The following PCDHA7 variants were observed in gnomAD, a reference collection of about 807,000 sequenced individuals.
PCDHA7 encodes the protein protocadherin alpha-7.
Under a neutral mutation model 57.2 loss-of-function variants are expected in PCDHA7, and 37 were observed. That is an observed-to-expected ratio of 0.65 (90% CI 0.50 to 0.85). The LOEUF is 0.85. Among genes scored for constraint, PCDHA7 ranks in the 40% least tolerant of loss-of-function variants. PCDHA7 has a pLI of 0.00. For synonymous variants in PCDHA7, 553 were observed against 558.8 expected, an observed-to-expected ratio of 0.99 and a Z score of 0.15; for missense variants, 1,188 against 1,241.8, an observed-to-expected ratio of 0.96 and a Z score of 0.65.
chr5:140,875,248 G>A, intron 1 of PCDHA7: 5 of 999,174 alleles, frequency 5.0e-6, no homozygotes, highest in Non-Finnish European at 6.9e-6. Flanking sequence ...TACATAATCA[G>A]TCACATGATG....
intron 1 of PCDHA7, chr5:140,926,824 A>T: frequency 1.3e-6 from 2 of 1,496,944 alleles, no homozygotes; most frequent in Non-Finnish European, 1.8e-6. Context: ...GCTCTCCAGG[A>T]GTCCGGAGCA....
At chr5:140,842,747 A>G (rs2150343510) in intron 1 of PCDHA7, 1 of 1,594,914 alleles carries the variant, frequency 6.3e-7, no homozygotes, top group Admixed American at 1.7e-5. Flanking sequence ...CCACATCTTC[A>G]CGGTGTCTGC....
chr5:140,856,752 A>G lies in PCDHA7; in HGVS notation c.2355+20014A>G, dbSNP rs201595428. The G allele has an allele frequency of 2.2e-5, 35 of 1,596,730 alleles. 5 individuals carry two copies. Among genetic ancestry groups the G allele is most frequent in the Non-Finnish European group, 3.4e-6 (4 of 1,166,694 alleles). On this transcript the variant is annotated intron_variant, in intron 1 of 3. Transcript: ENST00000525929. ...CTGCTGATCCTGGTGTTAGATGCCA[A>G]TGATAACGCCCCTATCTTTGACAGA...
Position 140,858,389 on chromosome 5 carries a change from G to A in PCDHA7, c.2355+21651G>A. The A allele has an allele frequency of 1.3e-6, 2 of 1,580,024 alleles. 1 individual carries two copies. Among genetic ancestry groups the A allele is most frequent in the Non-Finnish European group, 1.7e-6 (2 of 1,156,144 alleles). On this transcript the variant is annotated intron_variant, in intron 1 of 3. Transcript: ENST00000525929. ...CAGCCTTCCACCATGCCCAATGGTA[G>A]ATGTGGACGGGGAAGATCAGTCTAT...
At chr5:140,863,648 T>C (rs2048105633) in intron 1 of PCDHA7, 2 of 299,994 alleles carry the variant, frequency 6.7e-6, no homozygotes, top group Non-Finnish European at 1.3e-5. Context: ...AAGTTATTAA[T>C]TTGATTGCTT....
intron 3 of PCDHA7, among the ~76,000 whole-genome samples, chr5:140,992,705 T>C (rs1291266922): frequency 6.6e-6 from 1 of 152,188 alleles, no homozygotes; most frequent in African/African-American, 2.4e-5. Flanking sequence ...GTAATGTTCC[T>C]GCCAGTATTC....
At chr5:140,870,161 C>T (rs745813666) in intron 1 of PCDHA7, 10 of 1,614,124 alleles carry the variant, frequency 6.2e-6, no homozygotes, top group Non-Finnish European at 8.5e-6. Context: ...GCCGTGACTT[C>T]CTTGTCCCTC....
chr5:141,011,852 A>T lies in PCDHA7; in HGVS notation c.*1915A>T, dbSNP rs1288551420. 1 of 153,718 alleles carries T rather than the reference A, an allele frequency of 6.5e-6. No individual in the cohort carries two copies. The highest frequency in any genetic ancestry group is 1.5e-5 in the Non-Finnish European group (1 of 68,038). 9.5% of individuals were successfully genotyped at this position (153,718 alleles called of 1,614,324 possible). A position where few individuals can be genotyped will look rare whatever the true frequency, so the allele number is the denominator to read the frequency against. ...CTGTCACCTTAAATAAGACATTTTA[A>T]TTTTGTTATAATGTACAATTTAGAA... On this transcript the variant is annotated 3_prime_UTR_variant, in exon 4 of 4. Transcript: ENST00000525929.
chr5:140,882,262 G>A (rs907928710), intron 1 of PCDHA7: 14 of 1,605,126 alleles, frequency 8.7e-6, no homozygotes, highest in Non-Finnish European at 1.2e-5. Flanking sequence ...GGTTTTTGGA[G>A]TGTACCATGC....
intron 1 of PCDHA7, among the ~76,000 whole-genome samples, chr5:140,878,982 T>C (rs1484097371): frequency 2.0e-5 from 3 of 152,206 alleles, no homozygotes; most frequent in African/African-American, 4.8e-5. Flanking sequence ...CCCTCTATCT[T>C]AGAAATGAGA....
At chr5:140,842,147 GC>G (rs2150330571) in intron 1 of PCDHA7, 1 of 1,613,842 alleles carries the variant, frequency 6.2e-7, no homozygotes, top group East Asian at 2.2e-5. Flanking sequence ...AGCCAATGGG[GC>G]AATTTCATAT....
At chr5:140,846,304 C>T (rs183413454) in intron 1 of PCDHA7, among the ~76,000 whole-genome samples, 1 of 148,754 alleles carries the variant, frequency 6.7e-6, no homozygotes, top group East Asian at 1.9e-4. Flanking sequence ...ATTAAGTAAA[C>T]CATTTATGTA....
chr5:140,950,865 T>C (rs1419138561), intron 1 of PCDHA7, among the ~76,000 whole-genome samples: 1 of 152,098 alleles, frequency 6.6e-6, no homozygotes, highest in Non-Finnish European at 1.5e-5. Context: ...TTCTTGTATA[T>C]TCTATATTGT....
intron 1 of PCDHA7, among the ~76,000 whole-genome samples, chr5:140,898,010 T>A (rs2066467224): frequency 6.6e-6 from 1 of 152,240 alleles, no homozygotes; most frequent in African/African-American, 2.4e-5. Context: ...TCTGTTCATA[T>A]CCTTTGCCCA....
intron 1 of PCDHA7, among the ~76,000 whole-genome samples, chr5:140,908,466 C>T (rs2073988233): frequency 6.6e-6 from 1 of 152,134 alleles, no homozygotes. Flanking sequence ...TCAGAAAGCA[C>T]CCAGTTCATG....
chr5:140,867,997 T>C (rs2050231431), intron 1 of PCDHA7: 1 of 152,144 alleles, frequency 6.6e-6, no homozygotes. Flanking sequence ...TTCATGAATA[T>C]AACTGAATTA....
At chr5:140,985,938 A>G (rs960910585) in intron 3 of PCDHA7, among the ~76,000 whole-genome samples, 8 of 151,748 alleles carry the variant, frequency 5.3e-5, no homozygotes, top group Non-Finnish European at 8.8e-5. Context: ...CCGGGGTTTC[A>G]CTGTGTTAGC....
At chr5:140,871,275 A>C in intron 1 of PCDHA7, 3 of 1,613,900 alleles carry the variant, frequency 1.9e-6, no homozygotes, top group Non-Finnish European at 2.5e-6. Flanking sequence ...GGTGGTCGGC[A>C]ACGCCCACTG....
intron 1 of PCDHA7, among the ~76,000 whole-genome samples, chr5:140,838,075 A>AGTGTGTGTGTGTGTG (rs781914509): frequency 1.6e-5 from 2 of 128,136 alleles, no homozygotes; most frequent in South Asian, 5.3e-4. Context: ...TTATATATAT[A>AGTGTGTGTGTGTGTG]TAGTGTGTGT....
Sources: gnomAD v4.1 joint callset for allele counts (sites outside exome capture counted in the v4.1 genomes callset) on GRCh38, gnomAD v4.1.1 for gene constraint, MANE v1.5 for transcripts, NCBI Gene and HGNC (gene_info 2026-07-23, HGNC 2026-07-21) for gene names.